PDE11A: variants seen among roughly 807,000 people sequenced by gnomAD.
PDE11A encodes dual 3',5'-cyclic-AMP and -GMP phosphodiesterase 11A.
PDE11A carries 100 observed loss-of-function variants against 100.5 expected under a neutral mutation model. The observed-to-expected ratio is 1.00, with a 90% CI of 0.85 to 1.18. PDE11A has a LOEUF of 1.18. Ranked by LOEUF, PDE11A falls within the 50% of genes most tolerant of loss-of-function variation. The pLI is 0.00. For missense variants in PDE11A, 1,141 were observed against 1,152.6 expected (o/e 0.99, Z 0.15); for synonymous variants, 381 against 420.8 (o/e 0.91, Z 1.16).
At chr2:177,887,700 G>GA (rs1425239075) in intron 4 of PDE11A, among the ~76,000 whole-genome samples, 1 of 152,188 alleles carries the variant, frequency 6.6e-6, no homozygotes, top group Non-Finnish European at 1.5e-5. Flanking sequence ...GCTGCAGTGA[G>GA]CTGTGATGGT....
intron 1 of PDE11A, among the ~76,000 whole-genome samples, chr2:178,059,425 A>G (rs1255415745): frequency 6.6e-6 from 1 of 152,198 alleles, no homozygotes; most frequent in African/African-American, 2.4e-5. Context: ...TGTCAGGCAC[A>G]GAGGTTGTCA....
At chr2:177,877,039 G>A (rs1558986958) in intron 4 of PDE11A, among the ~76,000 whole-genome samples, 2 of 147,566 alleles carry the variant, frequency 1.4e-5, no homozygotes, top group Admixed American at 1.3e-4. Flanking sequence ...GCAATTTTGA[G>A]GGGTAGAAAA....
intron 1 of PDE11A, among the ~76,000 whole-genome samples, chr2:178,051,298 G>A (rs1214015526): frequency 6.6e-6 from 1 of 152,122 alleles, no homozygotes; most frequent in Non-Finnish European, 1.5e-5. Context: ...TTACAGACAA[G>A]CAAATGCTGA....
chr2:177,835,113 C>G (rs547577553), intron 6 of PDE11A, among the ~76,000 whole-genome samples: 6 of 152,272 alleles, frequency 3.9e-5, no homozygotes, highest in African/African-American at 1.2e-4. Flanking sequence ...TGAGTGGAAG[C>G]TGCACTGACA....
At chr2:177,906,211 G>T (rs1574268215) in intron 2 of PDE11A, among the ~76,000 whole-genome samples, 1 of 151,864 alleles carries the variant, frequency 6.6e-6, no homozygotes, top group East Asian at 1.9e-4. Flanking sequence ...GCACACAATG[G>T]TGCCCTAGGA....
At chr2:177,899,130 G>A (rs1285868161) in intron 3 of PDE11A, among the ~76,000 whole-genome samples, 2 of 152,122 alleles carry the variant, frequency 1.3e-5, no homozygotes, top group African/African-American at 4.8e-5. Context: ...TATTTTGGCC[G>A]GGCGCAGTGG....
At chr2:177,782,143 C>T (rs1448390502) in intron 9 of PDE11A, among the ~76,000 whole-genome samples, 1 of 152,216 alleles carries the variant, frequency 6.6e-6, no homozygotes, top group Non-Finnish European at 1.5e-5. Context: ...ATCTTTCCCT[C>T]TAAATATTGG....
At chr2:177,665,259 C>A (rs2080552713) in intron 18 of PDE11A, among the ~76,000 whole-genome samples, 1 of 149,306 alleles carries the variant, frequency 6.7e-6, no homozygotes, top group Non-Finnish European at 1.5e-5. Context: ...ATCACTTGAG[C>A]CCAAGAGTTC....
chr2:177,629,325 A>G lies in PDE11A; in HGVS notation c.*82T>C. 7.9e-7 allele frequency: 1 copy of G among 1,266,990 alleles called. No individual in the cohort carries two copies. Among genetic ancestry groups the G allele is most frequent in the East Asian group, 2.3e-5 (1 of 43,294 alleles). 78.5% of individuals were successfully genotyped at this position (1,266,990 alleles called of 1,614,324 possible). ...TGAGATGTTAGGTCTTTCTGAGCTA[A>G]AAGAACAAAAGGATGACATTGCTGG... On this transcript the variant is annotated 3_prime_UTR_variant, in exon 20 of 20. Coordinates refer to ENST00000286063, the MANE Select transcript of PDE11A (RefSeq NM_016953.4).
intron 19 of PDE11A, 99 bp downstream of exon 19, chr2:177,663,767 T>C: frequency 1.3e-6 from 1 of 773,758 alleles, no homozygotes; most frequent in South Asian, 1.4e-5. Flanking sequence ...GCAATGTGCA[T>C]ACCCTGGAAA....
At chr2:177,907,510 A>G (rs952315431) in intron 2 of PDE11A, among the ~76,000 whole-genome samples, 1 of 152,204 alleles carries the variant, frequency 6.6e-6, no homozygotes, top group East Asian at 1.9e-4. Flanking sequence ...ATATTCACTT[A>G]TGTTTTACCA....
Position 177,825,837 on chromosome 2 carries a change from G to T in PDE11A, c.1501-5542C>A, listed in dbSNP as rs544657414. ...ATATTTATCTCCTGCACACCAAAAT[G>T]GTAACATTGGTTATCTTCATATTTT... On this transcript the variant is annotated intron_variant, in intron 6 of 19. Transcript: ENST00000286063. 2.0e-5 allele frequency among the ~76,000 whole-genome samples: 3 copies of T among 152,222 alleles called. No homozygotes were observed. In the East Asian group the frequency reaches 5.8e-4, roughly 29 times the overall value.
chr2:177,802,724 C>A (rs1172521732), intron 9 of PDE11A, among the ~76,000 whole-genome samples: 1 of 151,826 alleles, frequency 6.6e-6, no homozygotes. Context: ...CAAAAGGGAA[C>A]TTTCTGGGGT....
intron 2 of PDE11A, among the ~76,000 whole-genome samples, chr2:178,007,031 T>A (rs541651078): frequency 3.3e-5 from 5 of 152,330 alleles, no homozygotes; most frequent in African/African-American, 9.6e-5. Context: ...AACTCCAACT[T>A]CATCTACCAC....
At chr2:177,678,588 C>G (rs1268782004) in intron 16 of PDE11A, among the ~76,000 whole-genome samples, 1 of 152,070 alleles carries the variant, frequency 6.6e-6, no homozygotes, top group Non-Finnish European at 1.5e-5. Flanking sequence ...GGTTTTATTA[C>G]TATTTTAAAA....
At position 177,843,851 on chromosome 2, in the gene PDE11A, C is replaced by A. The variant is rs536626070; in HGVS notation, c.1368-3468G>T. On this transcript the variant is annotated intron_variant, in intron 5 of 19. Coordinates refer to ENST00000286063, the MANE Select transcript of PDE11A (RefSeq NM_016953.4). ...TCACATAGATGTGTTGATAAGTTAC[C>A]AAGTCAACTGTACCAATCACGAGTG... Among the ~76,000 whole-genome samples the A allele has an allele frequency of 3.3e-5, 5 of 152,184 alleles. No homozygotes were observed. The East Asian group carries it at 9.7e-4, about 29-fold the overall frequency.
rs190994116 is a variant in PDE11A, at chr2:177,686,776, C to T, written c.2346-5873G>A. 4.1e-3 allele frequency: 530 copies of T among 129,264 alleles called. 7 individuals carry two copies. In the East Asian group the frequency reaches 0.043, roughly 10 times the overall value. The allele number at this position is 129,264 out of a possible 1,614,324, so 8.0% of individuals were successfully genotyped here. On this transcript the variant is annotated intron_variant, in intron 15 of 19. Coordinates refer to ENST00000286063, the MANE Select transcript of PDE11A (RefSeq NM_016953.4). ...CCAGGCTGGAATGCAATGGTGCGAT[C>T]TTGGCTTACTGCAACCTCTGCCTCC...
chr2:178,097,076 C>T (rs536887722), intron 2 of PDE11A, among the ~76,000 whole-genome samples: 15 of 152,180 alleles, frequency 9.9e-5, no homozygotes, highest in African/African-American at 2.4e-4. Flanking sequence ...TTAGTAGAGA[C>T]GGGGTTTCAC....
chr2:177,825,416 G>T (rs974673862), intron 6 of PDE11A, among the ~76,000 whole-genome samples: 4 of 152,102 alleles, frequency 2.6e-5, no homozygotes, highest in South Asian at 2.1e-4. Context: ...AAGGAAGGAT[G>T]GCAGAGTGTG....
Sources: allele counts gnomAD v4.1 joint callset (sites outside exome capture counted in the v4.1 genomes callset), GRCh38; gene constraint gnomAD v4.1.1; transcripts MANE v1.5; gene names NCBI Gene and HGNC (gene_info 2026-07-23, HGNC 2026-07-21).